Variants in GNAL observed in about 807,000 individuals in gnomAD.
The protein encoded by GNAL is guanine nucleotide-binding protein G(olf) subunit alpha.
GNAL carries 18 observed loss-of-function variants against 55.1 expected under a neutral mutation model. The observed-to-expected ratio is 0.33, with a 90% CI of 0.23 to 0.48. The LOEUF (loss-of-function observed/expected upper bound fraction) is 0.48. GNAL is among the 20% of genes least tolerant of loss of function. The pLI is 0.99. For synonymous variants in GNAL, 253 were observed against 237.0 expected, an observed-to-expected ratio of 1.07 and a Z score of -0.62; for missense variants, 412 against 614.1, an observed-to-expected ratio of 0.67 and a Z score of 3.48.
intron 4 of GNAL, among the ~76,000 whole-genome samples, chr18:11,811,765 GCTT>G (rs909197956): frequency 2.6e-5 from 4 of 152,086 alleles, no homozygotes; most frequent in African/African-American, 9.7e-5. Context: ...TCTCCATTTT[GCTT>G]CTCAACAGGT....
intron 5 of GNAL, among the ~76,000 whole-genome samples, chr18:11,850,222 G>A (rs2035827057): frequency 6.6e-6 from 1 of 152,184 alleles, no homozygotes; most frequent in Non-Finnish European, 1.5e-5. Context: ...CGCGAAAGAC[G>A]AGCCAGCATG....
intron 1 of GNAL, among the ~76,000 whole-genome samples, chr18:11,716,513 A>G (rs2031969955): frequency 6.6e-6 from 1 of 152,198 alleles, no homozygotes; most frequent in African/African-American, 2.4e-5. Flanking sequence ...TGGCTCTGGC[A>G]GCCTGCTTTT....
chr18:11,746,106 CT>C, intron 1 of GNAL: 1 of 524,814 alleles, frequency 1.9e-6, no homozygotes. Context: ...CACGACTCCC[CT>C]TTTAAAAGTG....
At chr18:11,728,558 C>A (rs545867355) in intron 1 of GNAL, among the ~76,000 whole-genome samples, 8 of 152,120 alleles carry the variant, frequency 5.3e-5, no homozygotes, top group Admixed American at 5.2e-4. Context: ...ACAACTCAGG[C>A]GGGAGCTTAG....
intron 4 of GNAL, among the ~76,000 whole-genome samples, chr18:11,766,209 T>G (rs1215407780): frequency 1.3e-5 from 2 of 152,220 alleles, no homozygotes; most frequent in Non-Finnish European, 2.9e-5. Context: ...AACACTGGCT[T>G]TCTTATTTTT....
At position 11,868,778 on chromosome 18, in the gene GNAL, A is replaced by T. The variant is rs551364597; in HGVS notation, c.1031+115A>T. ...CTGTAATCTCAACACTGGGAGGCCG[A>T]GGCAGGTGTGTCACTTGAGCTCAGC... is the stretch of plus-strand genomic sequence containing the variant. On this transcript the variant is annotated intron_variant, in intron 9 of 11. Transcript: ENST00000334049. The surrounding 1 kb of genome is among the most constrained non-coding windows in gnomAD (Gnocchi z 4.0). 1.3e-6 allele frequency: 1 copy of T among 792,960 alleles called. No individual in the cohort carries two copies. The highest frequency in any genetic ancestry group is 1.8e-5 in the African/African-American group (1 of 56,060). 49.1% of individuals were successfully genotyped at this position (792,960 alleles called of 1,614,324 possible).
chr18:11,851,475 C>G, intron 5 of GNAL: 5 of 1,498,896 alleles, frequency 3.3e-6, no homozygotes, highest in Non-Finnish European at 4.4e-6. Flanking sequence ...CGGCGCGCTT[C>G]TCAGCCGGGC....
At chr18:11,728,639 A>G (rs910550942) in intron 1 of GNAL, among the ~76,000 whole-genome samples, 3 of 152,146 alleles carry the variant, frequency 2.0e-5, no homozygotes, top group Admixed American at 6.5e-5. Flanking sequence ...TCTGCTTAAT[A>G]GTTTCTACAA....
At chr18:11,739,054 C>T (rs1017207674) in intron 1 of GNAL, among the ~76,000 whole-genome samples, 24 of 152,264 alleles carry the variant, frequency 1.6e-4, no homozygotes, top group African/African-American at 5.5e-4. Context: ...GCCCACTGAA[C>T]GAGGGCAGGT....
At chr18:11,874,176 G>A (rs1234942938) in intron 10 of GNAL, 1 of 152,292 alleles carries the variant, frequency 6.6e-6, no homozygotes, top group African/African-American at 2.4e-5. Flanking sequence ...CAGGCCCAGT[G>A]ACTGCTCTTC....
At chr18:11,833,504 A>G (rs1446709018) in intron 5 of GNAL, 2 of 152,230 alleles carry the variant, frequency 1.3e-5, no homozygotes, top group Admixed American at 6.5e-5. Context: ...ATTCTCCTCT[A>G]GAAACCCTTG....
chr18:11,881,672 C>G lies in GNAL; in HGVS notation c.*537C>G, dbSNP rs2036697682. On this transcript the variant is annotated 3_prime_UTR_variant, in exon 12 of 12. Transcript: ENST00000334049. This position sits in a 1 kb window ranked among gnomAD's most constrained non-coding sequence, Gnocchi z 4.8. ...TTTACAGTCACATTCAGAGTCGCTG[C>G]TGGCCTCAGGCATTTGAATTAGAGC... 2 of 152,768 alleles carry G rather than the reference C, an allele frequency of 1.3e-5. No homozygotes were observed. Among genetic ancestry groups the G allele is most frequent in the African/African-American group, 4.8e-5 (2 of 41,460 alleles). 9.5% of individuals were successfully genotyped at this position (152,768 alleles called of 1,614,324 possible).
At chr18:11,722,735 G>A (rs1235179903) in intron 1 of GNAL, among the ~76,000 whole-genome samples, 1 of 152,130 alleles carries the variant, frequency 6.6e-6, no homozygotes, top group Non-Finnish European at 1.5e-5. Flanking sequence ...AATTGGGCAG[G>A]GCATGGTGGC....
chr18:11,694,143 TC>T (rs2031338835), intron 1 of GNAL, among the ~76,000 whole-genome samples: 1 of 152,128 alleles, frequency 6.6e-6, no homozygotes, highest in Non-Finnish European at 1.5e-5. Flanking sequence ...AGCCATTGTG[TC>T]CAGTCAAGTG....
intron 1 of GNAL, among the ~76,000 whole-genome samples, chr18:11,749,916 C>A (rs1308985181): frequency 6.6e-6 from 1 of 152,156 alleles, no homozygotes; most frequent in Non-Finnish European, 1.5e-5. Flanking sequence ...TTATACTAAC[C>A]CCACCAGAAG....
rs1355807492 is a variant in GNAL, at chr18:11,773,847, T to TAC, written c.624+19902_624+19903insAC. Among the ~76,000 whole-genome samples, 5 of 152,184 alleles carry TAC rather than the reference T, an allele frequency of 3.3e-5. No individual in the cohort carries two copies. The South Asian group carries it at 8.3e-4, about 25-fold the overall frequency. ...ATAAAAACAATCGCATCTGAGTAATTTCGGTGACTAGAGTAAAAGTTCCTT... is the reference window on the plus strand; with the variant it reads ...ATAAAAACAATCGCATCTGAGTAATTACTCGGTGACTAGAGTAAAAGTTCCTT... On this transcript the variant is annotated intron_variant, in intron 4 of 11. Coordinates refer to ENST00000334049, the MANE Select transcript of GNAL (RefSeq NM_182978.4).
At chr18:11,861,110 C>T (rs948831470) in intron 5 of GNAL, among the ~76,000 whole-genome samples, 12 of 152,220 alleles carry the variant, frequency 7.9e-5, no homozygotes, top group African/African-American at 2.9e-4. Context: ...CTGCCTCTAC[C>T]TACCAAAGGA....
At position 11,867,464 on chromosome 18, in the gene GNAL, A is replaced by T. The variant is rs141115699; in HGVS notation, c.910+238A>T. Among the ~76,000 whole-genome samples, 1,710 of 152,162 alleles carry T rather than the reference A, an allele frequency of 0.011. 11 individuals carry two copies. Among genetic ancestry groups the T allele is most frequent in the Non-Finnish European group, 0.018 (1,191 of 68,008 alleles). ...GAGGCCAAGGAGGGCGGATAACCTG[A>T]AGTCAGGAGTTCGAGACCAGCCTGG... is the stretch of plus-strand genomic sequence containing the variant. On this transcript the variant is annotated intron_variant, in intron 8 of 11. Coordinates refer to ENST00000334049, the MANE Select transcript of GNAL (RefSeq NM_182978.4).
chr18:11,870,451 G>A (rs1019635379), intron 9 of GNAL, among the ~76,000 whole-genome samples: 1 of 152,312 alleles, frequency 6.6e-6, no homozygotes, highest in Non-Finnish European at 1.5e-5. Context: ...AACCCGGGAG[G>A]TGGAGGTTGC....
Sources: allele counts gnomAD v4.1 joint callset (sites outside exome capture counted in the v4.1 genomes callset), GRCh38; gene constraint gnomAD v4.1.1; non-coding constraint Gnocchi (gnomAD v3.1); transcripts MANE v1.5; gene names NCBI Gene and HGNC (gene_info 2026-07-23, HGNC 2026-07-21).